DOCK8: variants seen among roughly 807,000 people sequenced by gnomAD.
DOCK8 encodes dedicator of cytokinesis protein 8.
A neutral mutation model predicts 245.6 loss-of-function variants in DOCK8; 141 were observed. The observed-to-expected ratio is 0.57, with a 90% CI of 0.50 to 0.66. DOCK8 has a LOEUF of 0.66. Among genes scored for constraint, DOCK8 ranks in the 30% least tolerant of loss-of-function variants. The probability of loss-of-function intolerance (pLI) is 0.00; values close to 1 mark genes in which losing one functional copy is unlikely to be tolerated. For missense variants in DOCK8, 2,965 were observed against 2,603.4 expected (o/e 1.14, Z -3.02); for synonymous variants, 1,168 against 970.2 (o/e 1.20, Z -3.79).
intron 1 of DOCK8, among the ~76,000 whole-genome samples, chr9:243,464 T>A (rs1258998409): frequency 6.6e-6 from 1 of 152,114 alleles, no homozygotes; most frequent in Admixed American, 6.5e-5. Flanking sequence ...ACCAGTGAAA[T>A]GAATTTCAGA....
chr9:403,932 GTA>G (rs1206391530), intron 26 of DOCK8, among the ~76,000 whole-genome samples: 30 of 80,510 alleles, frequency 3.7e-4, no homozygotes, highest in South Asian at 2.0e-3. Flanking sequence ...ATATATATGT[GTA>G]TATATATATG....
At chr9:426,853 G>A in intron 33 of DOCK8, 32 bp from the exon 34 acceptor site, 1 of 1,593,356 alleles carries the variant, frequency 6.3e-7, no homozygotes, top group Non-Finnish European at 8.6e-7. Flanking sequence ...GGTTTGACAT[G>A]CGCTTTAATT....
intron 4 of DOCK8, among the ~76,000 whole-genome samples, chr9:296,201 G>C (rs868275969): frequency 1.3e-5 from 2 of 152,106 alleles, no homozygotes; most frequent in Non-Finnish European, 2.9e-5. Flanking sequence ...TTGCTTGTTT[G>C]TCCAACCTTT....
Position 235,885 on chromosome 9 carries a change from C to T in DOCK8, c.53+20856C>T, listed in dbSNP as rs148329037. 3.5e-3 allele frequency among the ~76,000 whole-genome samples: 533 copies of T among 152,294 alleles called. 6 individuals are homozygous for T. Among genetic ancestry groups the T allele is most frequent in the Non-Finnish European group, 5.2e-3 (356 of 68,026 alleles). On this transcript the variant is annotated intron_variant, in intron 1 of 47. Coordinates refer to ENST00000432829, the MANE Select transcript of DOCK8 (RefSeq NM_203447.4). ...TGATGCCTTGCCCTGCTTCGGCTCA[C>T]GCATGTTGCGCTGCACCCACTGTCC...
chr9:426,547 C>T (rs2131688889), intron 33 of DOCK8, among the ~76,000 whole-genome samples: 1 of 152,272 alleles, frequency 6.6e-6, no homozygotes, highest in African/African-American at 2.4e-5. Flanking sequence ...ACAGCCATGG[C>T]CCTGAGGCTT....
At chr9:386,075 C>G (rs1365682071) in intron 22 of DOCK8, among the ~76,000 whole-genome samples, 3 of 152,020 alleles carry the variant, frequency 2.0e-5, no homozygotes, top group Admixed American at 6.6e-5. Context: ...ACTCAGCAGC[C>G]CAGATTCTTA....
chr9:231,803 G>C (rs1405421407), intron 1 of DOCK8, among the ~76,000 whole-genome samples: 2 of 152,186 alleles, frequency 1.3e-5, no homozygotes, highest in East Asian at 3.8e-4. Flanking sequence ...TTTGGGCTGA[G>C]ACAATGGGGT....
At chr9:430,265 T>G (rs2056659843) in intron 36 of DOCK8, among the ~76,000 whole-genome samples, 1 of 151,956 alleles carries the variant, frequency 6.6e-6, no homozygotes, top group Admixed American at 6.6e-5. Flanking sequence ...TCCAAGCTAC[T>G]TGGGAGGCTG....
intron 1 of DOCK8, among the ~76,000 whole-genome samples, chr9:251,512 C>G (rs1216896526): frequency 6.6e-6 from 1 of 152,166 alleles, no homozygotes. Flanking sequence ...GCATGCTAAG[C>G]TTTCCATTGC....
At chr9:220,173 CAG>C (rs1044112669) in intron 1 of DOCK8, among the ~76,000 whole-genome samples, 4 of 152,186 alleles carry the variant, frequency 2.6e-5, no homozygotes, top group Admixed American at 6.5e-5. Flanking sequence ...CTTGGGCAAT[CAG>C]ACACAGAATT....
rs115770028 is a variant in DOCK8 at position 216,694 on chromosome 9, T to C, written c.53+1665T>C. On this transcript the variant is annotated intron_variant, in intron 1 of 47. Transcript: ENST00000432829. Reference sequence around the variant, plus strand: ...ATCAAACTGAAGTTACTGATGGGTGTATTATTTGCTATAGCTCCTGATCCT... The same window carrying C: ...ATCAAACTGAAGTTACTGATGGGTGCATTATTTGCTATAGCTCCTGATCCT... 5.2e-3 allele frequency among the ~76,000 whole-genome samples: 788 copies of C among 152,166 alleles called. 6 individuals carry two copies. Among genetic ancestry groups the C allele is most frequent in the Middle Eastern group, 0.024 (7 of 294 alleles).
chr9:341,985 A>G (rs1279837236), intron 14 of DOCK8, among the ~76,000 whole-genome samples: 3 of 152,150 alleles, frequency 2.0e-5, no homozygotes, highest in Non-Finnish European at 2.9e-5. Flanking sequence ...GTCTGCCATC[A>G]CTTTCAGATG....
At chr9:452,277 A>C (rs537522510) in intron 46 of DOCK8, among the ~76,000 whole-genome samples, 160 bp downstream of exon 46, 1 of 152,212 alleles carries the variant, frequency 6.6e-6, no homozygotes, top group African/African-American at 2.4e-5. Context: ...GTGGCTCAGC[A>C]ATGTGCAGTT....
At chr9:414,984 T>G in intron 29 of DOCK8, 33 bp downstream of exon 29, 2 of 1,612,028 alleles carry the variant, frequency 1.2e-6, no homozygotes, top group Non-Finnish European at 1.7e-6. Flanking sequence ...TCTTGGATTG[T>G]TGGGGGCCCC....
Position 377,538 on chromosome 9 carries a change from G to A in DOCK8, c.2440+327G>A, listed in dbSNP as rs76132913. On this transcript the variant is annotated intron_variant, in intron 20 of 47. Transcript: ENST00000432829. The stretch of plus-strand genomic sequence containing the variant: ...GATATTTTTGTTTTCTTGACTAACA[G>A]GAAATGGAACATTTTAAGGTAAGAC... Among the ~76,000 whole-genome samples the A allele has an allele frequency of 0.018, 2,697 of 152,262 alleles. 51 individuals are homozygous for A. The highest frequency in any genetic ancestry group is 0.065 in the East Asian group (338 of 5,188).
chr9:457,846 G>A (rs2131937212), intron 46 of DOCK8, among the ~76,000 whole-genome samples: 1 of 152,322 alleles, frequency 6.6e-6, no homozygotes, highest in African/African-American at 2.4e-5. Context: ...CATTTGATAT[G>A]TTTCAACTAA....
chr9:327,967 T>G (rs925834932), intron 8 of DOCK8, 55 bp from the exon 9 acceptor site: 1 of 1,559,696 alleles, frequency 6.4e-7, no homozygotes. Context: ...TTAACATGTT[T>G]AAACCATGAA....
rs1381458780 is a variant in DOCK8, at chr9:317,188, ATGT to A, written c.827+64_827+66del. 6.3e-5 allele frequency: 84 copies of A among 1,333,752 alleles called. No homozygotes were observed. The African/African-American group carries it at 1.1e-3, about 18-fold the overall frequency. The allele number at this position is 1,333,752 out of a possible 1,614,324, so 82.6% of individuals were successfully genotyped here. On this transcript the variant is annotated intron_variant, in intron 7 of 47. Transcript: ENST00000432829. Reference sequence around the variant, plus strand: ...GATTTATCTTGCCTTTTACATACAAATGTTGTGTTTATTATCAGAGCTTGAATC... The same window carrying A: ...GATTTATCTTGCCTTTTACATACAAATGTGTTTATTATCAGAGCTTGAATC...
intron 1 of DOCK8, among the ~76,000 whole-genome samples, chr9:248,617 TTTTC>T (rs1164410383): frequency 1.3e-5 from 2 of 151,882 alleles, no homozygotes; most frequent in Non-Finnish European, 2.9e-5. Flanking sequence ...TTCCATCTTC[TTTTC>T]TTTCTATCTT....
Sources: gnomAD v4.1 joint callset for allele counts (sites outside exome capture counted in the v4.1 genomes callset) on GRCh38, gnomAD v4.1.1 for gene constraint, MANE v1.5 for transcripts, NCBI Gene and HGNC (gene_info 2026-07-23, HGNC 2026-07-21) for gene names.